Variants in GGT1 observed in about 807,000 individuals in gnomAD.
GGT1 encodes the protein gamma-glutamyltransferase 1, also known as glutathione hydrolase 1 proenzyme.
In GGT1, 21 loss-of-function variants were observed where a neutral mutation model predicts 56.0. The observed-to-expected ratio is 0.38, with a 90% CI of 0.27 to 0.54. The LOEUF is 0.54. Among genes scored for constraint, GGT1 ranks in the 20% least tolerant of loss-of-function variants. GGT1 has a pLI of 0.82. For synonymous variants in GGT1, 238 were observed against 342.6 expected, an observed-to-expected ratio of 0.69 and a Z score of 3.37; for missense variants, 466 against 787.0, an observed-to-expected ratio of 0.59 and a Z score of 4.88.
chr22:24,600,881 G>T (rs1418612914), upstream of GGT1, among the ~76,000 whole-genome samples: 1 of 152,248 alleles, frequency 6.6e-6, no homozygotes, highest in East Asian at 1.9e-4. Flanking sequence ...CTTAATGTTG[G>T]TAAGAACTTG....
chr22:24,617,480 A>C (rs2047146002), intron 7 of GGT1, among the ~76,000 whole-genome samples: 1 of 151,514 alleles, frequency 6.6e-6, no homozygotes, highest in African/African-American at 2.4e-5. Flanking sequence ...AGGTCACTGC[A>C]GTAATTCGTG....
At chr22:24,586,531 G>A in the GGT1 span, 24 of 1,073,166 alleles carry the variant, frequency 2.2e-5, no homozygotes, top group African/African-American at 1.6e-4. Context: ...GATTCAAACT[G>A]TGTCTTTCGT....
chr22:24,626,124 C>T (rs983258879), intron 11 of GGT1, among the ~76,000 whole-genome samples: 6 of 146,318 alleles, frequency 4.1e-5, no homozygotes, highest in Admixed American at 6.8e-5. Flanking sequence ...CCCCAAGTAG[C>T]TGGGACTACA....
chr22:24,619,849 G>C (rs1223400587), intron 7 of GGT1, among the ~76,000 whole-genome samples: 4 of 150,904 alleles, frequency 2.7e-5, no homozygotes, highest in Non-Finnish European at 5.9e-5. Flanking sequence ...CCTGGCACAG[G>C]ATTTTAGACA....
chr22:24,593,950 G>A (rs528568707), upstream of GGT1, among the ~76,000 whole-genome samples: 99 of 152,322 alleles, frequency 6.5e-4, no homozygotes, highest in African/African-American at 9.4e-4. Flanking sequence ...GAAATAAACC[G>A]GACGAAGAGT....
At position 24,614,958 on chromosome 22, in the gene GGT1, C is replaced by A. The variant is rs565008246; in HGVS notation, c.295+52C>A. 3.2e-6 allele frequency: 5 copies of A among 1,552,948 alleles called. No homozygotes were observed. In the South Asian group the frequency reaches 4.5e-5, roughly 14 times the overall value. On this transcript the variant is annotated intron_variant, in intron 6 of 15. Transcript: ENST00000400382. ...GAGGGGCAGGGGGTGTGGGTTGGGC[C>A]GAGGCACAGCTGGGCGGTCCCCAGG...
intron 1 of GGT1, among the ~76,000 whole-genome samples, chr22:24,605,920 G>A (rs1168476508): frequency 2.0e-5 from 1 of 50,796 alleles, no homozygotes; most frequent in African/African-American, 8.7e-5. Context: ...TATATGATGT[G>A]TATTATATAT....
chr22:24,596,530 T>C (rs1192367593), intron 1 of GGT1, among the ~76,000 whole-genome samples: 1 of 152,040 alleles, frequency 6.6e-6, no homozygotes, highest in East Asian at 1.9e-4. Context: ...GTCCAAGCAG[T>C]CCTCCTGCTT....
In GGT1 at chr22:24,603,534, A is replaced by C. The variant is rs895958840; in HGVS notation, c.-429+7A>C. 4 of 152,384 alleles carry C rather than the reference A, an allele frequency of 2.6e-5. No homozygotes were observed. Among genetic ancestry groups the C allele is most frequent in the African/African-American group, 9.6e-5 (4 of 41,452 alleles). 9.4% of individuals were successfully genotyped at this position (152,384 alleles called of 1,614,324 possible). A position where few individuals can be genotyped will look rare whatever the true frequency, so the allele number is the denominator to read the frequency against. On this transcript the variant is annotated splice_region_variant and intron_variant, in intron 1 of 15. Coordinates refer to ENST00000400382, the MANE Select transcript of GGT1 (RefSeq NM_001288833.2). ...CTGCAGAAGGATCCCACAGGTGGGC[A>C]GAGCCCTGGGTTCTTTATCCGACTG...
At chr22:24,593,777 ACT>A (rs1358823598), upstream of GGT1, among the ~76,000 whole-genome samples, 1 of 148,840 alleles carries the variant, frequency 6.7e-6, no homozygotes, top group Admixed American at 6.7e-5. Context: ...ACAGAGCAAA[ACT>A]CTGTCTCAAA....
rs1405061276 is a variant in GGT1, at chr22:24,611,240, T to G, written c.159T>G (p.Ile53Met). The change falls in exon 5 of 16, where the codon ATT becomes ATG. Residue 53 changes from isoleucine to methionine, a missense_variant. Around this residue, in one of 2 missense-constraint regions of GGT1, gnomAD observed 456 missense variants for 716.7 expected, o/e 0.64. Transcript: ENST00000400382. The stretch of plus-strand genomic sequence containing the variant: ...CGGATGCCAAGCAGTGCTCGAAGAT[T>G]GGGAGGTGAGCAGGGCAGGGCATGG... ...VAADAKQCSK[I>M]GRDALRDGGS... The G allele has an allele frequency of 4.5e-6, 7 of 1,551,062 alleles. No homozygotes were observed. Among genetic ancestry groups the G allele is most frequent in the Non-Finnish European group, 6.1e-6 (7 of 1,144,546 alleles).
the GGT1 span, chr22:24,585,512 TG>T: frequency 1.2e-5 from 3 of 258,234 alleles, no homozygotes; most frequent in East Asian, 9.1e-5. Flanking sequence ...AAAGAGCACC[TG>T]GGGGAAGGTC....
At position 24,628,850 on chromosome 22, in the gene GGT1, A is replaced by C. The variant is rs4049815; in HGVS notation, c.*11A>C. The C allele has an allele frequency of 2.4e-3, 3,800 of 1,580,954 alleles. 6 individuals are homozygous for C. The highest frequency in any genetic ancestry group is 3.0e-3 in the Non-Finnish European group (3,459 of 1,162,622). ...CCTGCCGGCTACTGAGTGCTCCAGG[A>C]GGACAAGGCTGACAAGCAATCCAGG... On this transcript the variant is annotated 3_prime_UTR_variant, in exon 16 of 16. Transcript: ENST00000400382. The surrounding 1 kb of genome is among the most constrained non-coding windows in gnomAD (Gnocchi z 5.7).
At chr22:24,611,773 T>TTGTGTGTG (rs57600451) in intron 5 of GGT1, among the ~76,000 whole-genome samples, 1,332 of 130,982 alleles carry the variant, frequency 0.01, 4 homozygotes, top group Middle Eastern at 0.015. Flanking sequence ...CCCAACAAAT[T>TTGTGTGTG]TGTGTGTGTG....
rs1333046204 is a variant in GGT1 at position 24,620,477 on chromosome 22, C to G, written c.532C>G (p.Leu178Val). 9 of 1,611,886 alleles carry G rather than the reference C, an allele frequency of 5.6e-6. No individual in the cohort carries two copies. Among genetic ancestry groups the G allele is most frequent in the Non-Finnish European group, 7.6e-6 (9 of 1,179,814 alleles). ...FPVGKGLAAA[L>V]ENKRTVIEQQ... is the part of the protein sequence containing the mutation. ...CGTGGGCAAGGGCTTGGCGGCAGCC[C>G]TGGAAAACAAGCGGACCGTCATCGA... is the stretch of plus-strand genomic sequence containing the variant. The change falls in exon 8 of 16, where the codon CTG (leucine) becomes GTG (valine). Residue 178 changes from leucine to valine, a missense_variant. This residue lies in a region of GGT1 where 456 missense variants were observed against 716.7 expected (regional missense o/e 0.64). Transcript: ENST00000400382. The surrounding 1 kb of genome is among the most constrained non-coding windows in gnomAD (Gnocchi z 5.6).
upstream of GGT1, among the ~76,000 whole-genome samples, chr22:24,601,262 T>C (rs528998535): frequency 1.3e-5 from 2 of 152,338 alleles, no homozygotes; most frequent in South Asian, 4.1e-4. Context: ...CGGGATGTCA[T>C]GCCCCCATGC....
Position 24,628,426 on chromosome 22 carries a change from G to C in GGT1, c.1563+38G>C. On this transcript the variant is annotated intron_variant, in intron 15 of 15. Transcript: ENST00000400382. This position sits in a 1 kb window ranked among gnomAD's most constrained non-coding sequence, Gnocchi z 5.7. ...TTGGAGAAACTGAGTCAAGGTGTGG[G>C]GCCCCAGGGCATCCTGGGCTGGAGG... 1 of 1,608,056 alleles carries C rather than the reference G, an allele frequency of 6.2e-7. No homozygotes were observed. Among genetic ancestry groups the C allele is most frequent in the Non-Finnish European group, 8.5e-7 (1 of 1,179,868 alleles).
chr22:24,614,354 A>C (rs1601703297), intron 5 of GGT1, among the ~76,000 whole-genome samples: 1 of 144,924 alleles, frequency 6.9e-6, no homozygotes, highest in Middle Eastern at 3.6e-3. Context: ...GTCTCAAAAA[A>C]AAAAAAAAAA....
chr22:24,609,180 GC>G (rs1388830875), intron 2 of GGT1: 2 of 152,206 alleles, frequency 1.3e-5, no homozygotes, highest in African/African-American at 2.4e-5. Context: ...GGCCTGTTCT[GC>G]AGTTGGACAG....
Sources: gnomAD v4.1 joint callset for allele counts (sites outside exome capture counted in the v4.1 genomes callset) on GRCh38, gnomAD v4.1.1 for gene constraint, gnomAD v4.1.1 regional missense constraint, Gnocchi (gnomAD v3.1) non-coding constraint, MANE v1.5 for transcripts, NCBI Gene and HGNC (gene_info 2026-07-23, HGNC 2026-07-21) for gene names.